The following MICOS10 variants were observed in gnomAD, a reference collection of about 807,000 sequenced individuals.
MICOS10 encodes mitochondrial contact site and cristae organizing system subunit 10, also known as MICOS complex subunit MIC10.
A neutral mutation model predicts 13.4 loss-of-function variants in MICOS10; 5 were observed. That is an observed-to-expected ratio of 0.37 (90% CI 0.20 to 0.78). The LOEUF is 0.78. Among genes scored for constraint, MICOS10 ranks in the 30% least tolerant of loss-of-function variants. The probability of loss-of-function intolerance (pLI) is 0.47; values close to 1 mark genes in which losing one functional copy is unlikely to be tolerated. For missense variants in MICOS10, 101 were observed against 94.6 expected (o/e 1.07, Z -0.28); for synonymous variants, 35 against 33.6 (o/e 1.04, Z -0.15).
chr1:19,618,112 CT>C (rs113033580), intron 1 of MICOS10, among the ~76,000 whole-genome samples: 134 of 138,232 alleles, frequency 9.7e-4, no homozygotes, highest in Middle Eastern at 3.6e-3. Context: ...TTATACTACA[CT>C]TTTTTTTTTT....
chr1:19,615,654 CCT>C (rs2094881284), intron 1 of MICOS10, among the ~76,000 whole-genome samples: 1 of 143,820 alleles, frequency 7.0e-6, no homozygotes, highest in East Asian at 2.1e-4. Flanking sequence ...GTCACTGCAG[CCT>C]TGACCTCCCA....
At chr1:19,624,327 C>CTGATATAGAGAAGTTA in intron 3 of MICOS10, among the ~76,000 whole-genome samples, 2 of 151,690 alleles carry the variant, frequency 1.3e-5, no homozygotes, top group African/African-American at 4.9e-5. Context: ...CACTCTGCCA[C>CTGATATAGAGAAGTTA]CAAGGTGGGA....
At chr1:19,611,469 A>ATTT (rs768118529) in intron 1 of MICOS10, among the ~76,000 whole-genome samples, 2,987 of 90,160 alleles carry the variant, frequency 0.033, 154 homozygotes, top group Non-Finnish European at 0.04. Flanking sequence ...TTGCAACTTG[A>ATTT]TTTTTTTTTT....
Position 19,629,194 on chromosome 1 carries a change from T to G in MICOS10, c.*2793T>G, listed in dbSNP as rs1276863916. ...AGTTTCATTAGAAATTCAAGTCCTC[T>G]GGGGCCCTGTTCCCTTGTGGGCTTG... On this transcript the variant is annotated 3_prime_UTR_variant, in exon 4 of 4. Coordinates refer to ENST00000322753, the MANE Select transcript of MICOS10 (RefSeq NM_001032363.4). The G allele has an allele frequency of 6.6e-6, 1 of 152,242 alleles. No individual in the cohort carries two copies. The highest frequency in any genetic ancestry group is 1.5e-5 in the Non-Finnish European group (1 of 68,046). 9.4% of individuals were successfully genotyped at this position (152,242 alleles called of 1,614,324 possible).
chr1:19,620,155 G>A (rs1191506786), intron 1 of MICOS10, among the ~76,000 whole-genome samples: 7 of 152,202 alleles, frequency 4.6e-5, no homozygotes, highest in Non-Finnish European at 1.0e-4. Flanking sequence ...GTGGCCAAAG[G>A]CAGAGAAAAC....
chr1:19,610,935 A>AT (rs1158536731), intron 1 of MICOS10, among the ~76,000 whole-genome samples: 1 of 150,818 alleles, frequency 6.6e-6, no homozygotes, highest in Non-Finnish European at 1.5e-5. Flanking sequence ...TGCTGTAGGA[A>AT]TTTTTTATTT....
In MICOS10 at chr1:19,597,211, C is replaced by T. The variant is rs927281828; in HGVS notation, c.64+102C>T. 1.1e-5 allele frequency: 14 copies of T among 1,278,870 alleles called. No homozygotes were observed. The African/African-American group carries it at 2.2e-4, about 20-fold the overall frequency. The allele number at this position is 1,278,870 out of a possible 1,614,324, so 79.2% of individuals were successfully genotyped here. A position where few individuals can be genotyped will look rare whatever the true frequency, so the allele number is the denominator to read the frequency against. ...AAGGGAAGCCCCACGGGAGGTCAGG[C>T]CTCTCGGCCTTTTCCGGCCCCTCCG... On this transcript the variant is annotated intron_variant, in intron 1 of 3. Coordinates refer to ENST00000322753, the MANE Select transcript of MICOS10 (RefSeq NM_001032363.4).
intron 1 of MICOS10, among the ~76,000 whole-genome samples, chr1:19,606,927 A>G (rs2094837308): frequency 1.3e-5 from 2 of 152,398 alleles, no homozygotes; most frequent in African/African-American, 2.4e-5. Flanking sequence ...ATAGTCATGG[A>G]AAAAGAAAGC....
intron 3 of MICOS10, among the ~76,000 whole-genome samples, chr1:19,624,134 C>T (rs1043023492): frequency 6.6e-6 from 1 of 152,108 alleles, no homozygotes; most frequent in Admixed American, 6.5e-5. Context: ...GCACCTGCCA[C>T]CACGCCTGGC....
At chr1:19,616,625 A>G (rs2094885412) in intron 1 of MICOS10, among the ~76,000 whole-genome samples, 1 of 152,202 alleles carries the variant, frequency 6.6e-6, no homozygotes, top group South Asian at 2.1e-4. Flanking sequence ...TAAATTAACC[A>G]TGGATAGTGT....
At position 19,623,484 on chromosome 1, in the gene MICOS10, G is replaced by A; in HGVS notation, c.123G>A (p.Trp41Ter). The stretch of plus-strand genomic sequence containing the variant: ...TTTTTTGCTCACTAGGAAGAATGTG[G>A]CCATTAGCCTTCGGTTCTGGCATGG... The part of the protein sequence containing the change: ...FSLTFFKRRM[W>*]PLAFGSGMGL... The change falls in exon 3 of 4, where the codon TGG becomes TGA. Residue 41 changes from tryptophan to a stop codon, truncating the protein, a stop_gained. Transcript: ENST00000322753. LOFTEE classifies it high-confidence loss of function. 1 of 1,610,242 alleles carries A rather than the reference G, an allele frequency of 6.2e-7. No homozygotes were observed. The highest frequency in any genetic ancestry group is 8.5e-7 in the Non-Finnish European group (1 of 1,178,170).
intron 1 of MICOS10, among the ~76,000 whole-genome samples, chr1:19,599,981 A>G (rs2094807628): frequency 6.6e-6 from 1 of 152,096 alleles, no homozygotes; most frequent in South Asian, 2.1e-4. Flanking sequence ...AGCAACAAAT[A>G]TTTATTGAGC....
At chr1:19,609,480 T>TAAG (rs2094850458) in intron 1 of MICOS10, among the ~76,000 whole-genome samples, 1 of 152,216 alleles carries the variant, frequency 6.6e-6, no homozygotes, top group South Asian at 2.1e-4. Flanking sequence ...ATTCTACTCC[T>TAAG]AGATATTTAC....
At chr1:19,615,380 C>CG (rs1267517462) in intron 1 of MICOS10, among the ~76,000 whole-genome samples, 2 of 152,140 alleles carry the variant, frequency 1.3e-5, no homozygotes, top group Non-Finnish European at 2.9e-5. Context: ...TCACTATTCC[C>CG]CAGTTGCAGA....
chr1:19,612,248 G>A (rs1336470866), intron 1 of MICOS10, among the ~76,000 whole-genome samples: 38 of 150,176 alleles, frequency 2.5e-4, no homozygotes, highest in Admixed American at 2.5e-3. Flanking sequence ...AGTAGAGACG[G>A]GGTTTCACCA....
chr1:19,624,412 G>A (rs544720294), intron 3 of MICOS10, among the ~76,000 whole-genome samples: 16 of 151,946 alleles, frequency 1.1e-4, no homozygotes, highest in Middle Eastern at 3.4e-3. Context: ...TCAGCCTCCC[G>A]AGTAGCTGGG....
At chr1:19,613,859 A>G (rs1293476196) in intron 1 of MICOS10, among the ~76,000 whole-genome samples, 1 of 152,198 alleles carries the variant, frequency 6.6e-6, no homozygotes, top group Non-Finnish European at 1.5e-5. Flanking sequence ...GTCAGGCTCC[A>G]TGGCTCACAT....
intron 2 of MICOS10, 64 bp from the exon 3 acceptor site, chr1:19,623,410 G>A: frequency 1.1e-6 from 1 of 950,946 alleles, no homozygotes; most frequent in South Asian, 1.4e-5. Flanking sequence ...GTATTTAAGA[G>A]GATGGGGAGC....
At chr1:19,608,139 AGAAG>A (rs1191241523) in intron 1 of MICOS10, 1 of 1,179,896 alleles carries the variant, frequency 8.5e-7, no homozygotes, top group Non-Finnish European at 1.3e-6. Flanking sequence ...GGGAAGGAAA[AGAAG>A]GAAGAACAGG....
Sources: gnomAD v4.1 joint callset for allele counts (sites outside exome capture counted in the v4.1 genomes callset) on GRCh38, gnomAD v4.1.1 for gene constraint, MANE v1.5 for transcripts, NCBI Gene and HGNC (gene_info 2026-07-23, HGNC 2026-07-21) for gene names.